SEC22C: variants seen among roughly 807,000 people sequenced by gnomAD.
SEC22C encodes SEC22 homolog C, vesicle trafficking protein.
SEC22C carries 29 observed loss-of-function variants against 34.7 expected under a neutral mutation model. The observed-to-expected ratio is 0.84, with a 90% CI of 0.62 to 1.14. SEC22C has a LOEUF of 1.14. SEC22C is among the 50% of genes most tolerant of loss of function. The pLI is 0.00. For missense variants in SEC22C, 337 were observed against 369.0 expected, an observed-to-expected ratio of 0.91 and a Z score of 0.71; for synonymous variants, 117 against 132.8, an observed-to-expected ratio of 0.88 and a Z score of 0.82.
In SEC22C at chr3:42,548,822, T is replaced by A. The variant is rs1017780537; in HGVS notation, c.*4426A>T. 1.4e-6 allele frequency: 2 copies of A among 1,436,138 alleles called. No homozygotes were observed. Among genetic ancestry groups the A allele is most frequent in the Non-Finnish European group, 9.1e-7 (1 of 1,094,350 alleles). The allele number at this position is 1,436,138 out of a possible 1,614,324, so 89.0% of individuals were successfully genotyped here. A position where few individuals can be genotyped will look rare whatever the true frequency, so the allele number is the denominator to read the frequency against. The stretch of plus-strand genomic sequence containing the variant: ...TTTTGTAAAGGCCAGAAGAAATGGC[T>A]GTGCTGTGCTGCCTGAAGCAGAAAA... On this transcript the variant is annotated 3_prime_UTR_variant, in exon 7 of 7. Transcript: ENST00000264454.
chr3:42,573,489 C>T (rs561261638), intron 1 of SEC22C: 1 of 152,478 alleles, frequency 6.6e-6, no homozygotes, highest in African/African-American at 2.4e-5. Context: ...CACACCACTG[C>T]ACTCCATCCT....
chr3:42,583,170 A>G (rs1332343257), upstream of SEC22C, among the ~76,000 whole-genome samples: 3 of 152,352 alleles, frequency 2.0e-5, no homozygotes, highest in African/African-American at 7.2e-5. Flanking sequence ...GCATTTTATA[A>G]AACTCACTTT....
chr3:42,552,025 C>G lies in SEC22C; in HGVS notation c.*1223G>C. ...AAAGAGCAAACTCCCAAAATGACCTCCTGCGTGGTACAAAACAAGCCAGGC... is the reference window on the plus strand; with the variant it reads ...AAAGAGCAAACTCCCAAAATGACCTGCTGCGTGGTACAAAACAAGCCAGGC... On this transcript the variant is annotated 3_prime_UTR_variant, in exon 7 of 7. Transcript: ENST00000264454. The G allele has an allele frequency of 1.0e-6, 1 of 985,448 alleles. No homozygotes were observed. The highest frequency in any genetic ancestry group is 4.7e-5 in the South Asian group (1 of 21,290). 61.0% of individuals were successfully genotyped at this position (985,448 alleles called of 1,614,324 possible).
chr3:42,564,215 T>C (rs985024753), intron 2 of SEC22C: 1 of 237,448 alleles, frequency 4.2e-6, no homozygotes, highest in African/African-American at 2.3e-5. Flanking sequence ...GGTATTTAGG[T>C]TATTTTGGTC....
chr3:42,592,491 C>T (rs976822362), intron 1 of SEC22C, among the ~76,000 whole-genome samples: 10 of 152,330 alleles, frequency 6.6e-5, no homozygotes, highest in African/African-American at 2.4e-4. Flanking sequence ...TGAGCCACCA[C>T]GGCCGACCTT....
intron 1 of SEC22C, among the ~76,000 whole-genome samples, chr3:42,592,269 C>T (rs146932390): frequency 1.3e-5 from 2 of 151,776 alleles, no homozygotes; most frequent in Admixed American, 6.6e-5. Context: ...GGTGCAATCT[C>T]GGCTCACTGC....
chr3:42,572,309 A>T (rs1417396167), intron 1 of SEC22C, among the ~76,000 whole-genome samples: 1 of 152,164 alleles, frequency 6.6e-6, no homozygotes, highest in Non-Finnish European at 1.5e-5. Flanking sequence ...ACTTGCAGGT[A>T]AAAAACTGCT....
chr3:42,590,655 G>A (rs1183897441), intron 1 of SEC22C, among the ~76,000 whole-genome samples: 1 of 151,926 alleles, frequency 6.6e-6, no homozygotes, highest in Non-Finnish European at 1.5e-5. Context: ...AGTAGACCCA[G>A]CCCCAACCCA....
In SEC22C at chr3:42,590,751, A is replaced by G. The variant is rs868820227; in HGVS notation, c.-28+10209T>C. ...GGGGCTGGGACCGAGGAAAGCGCTG[A>G]GTATAGCTCTTGCGCGTCCAGTCAC... On this transcript the variant is annotated intron_variant, in intron 1 of 6. Transcript: ENST00000417572. 5.6e-5 allele frequency: 47 copies of G among 843,760 alleles called. 1 individual carries two copies. The South Asian group carries it at 5.7e-4, about 10-fold the overall frequency. The allele number at this position is 843,760 out of a possible 1,614,324, so 52.3% of individuals were successfully genotyped here.
In SEC22C at chr3:42,590,673, C is replaced by T. The variant is rs75553440; in HGVS notation, c.-28+10287G>A. The T allele has an allele frequency of 8.9e-4, 540 of 603,530 alleles. 1 individual carries two copies. The highest frequency in any genetic ancestry group is 8.6e-3 in the African/African-American group (463 of 54,010). 37.4% of individuals were successfully genotyped at this position (603,530 alleles called of 1,614,324 possible). ...AGACCCAGCCCCAACCCACAAGTTTCGCTCTCCAGACTGCGCAAGCGCAAA... is the reference window on the plus strand; with the variant it reads ...AGACCCAGCCCCAACCCACAAGTTTTGCTCTCCAGACTGCGCAAGCGCAAA... On this transcript the variant is annotated intron_variant, in intron 1 of 6. Coordinates refer to the SEC22C transcript ENST00000417572.
intron 1 of SEC22C, among the ~76,000 whole-genome samples, chr3:42,572,067 GGAA>G (rs1263254652): frequency 6.6e-6 from 1 of 152,040 alleles, no homozygotes; most frequent in Non-Finnish European, 1.5e-5. Flanking sequence ...AGGTGGAGAA[GGAA>G]GAAGACTGGC....
intron 1 of SEC22C, among the ~76,000 whole-genome samples, chr3:42,575,393 T>C (rs1424731171): frequency 6.6e-6 from 1 of 152,186 alleles, no homozygotes; most frequent in Non-Finnish European, 1.5e-5. Flanking sequence ...TGAAATTCAC[T>C]TCCAGTATAA....
At position 42,548,304 on chromosome 3, in the gene SEC22C, G is replaced by T; in HGVS notation, c.*4944C>A. ...GGATCAAATCATATGAATGATTCAT[G>T]AAATAACACTTCTGAAGCAACCCCA... On this transcript the variant is annotated 3_prime_UTR_variant, in exon 7 of 7. Transcript: ENST00000264454. 3.1e-6 allele frequency: 1 copy of T among 319,264 alleles called. No homozygotes were observed. The allele number at this position is 319,264 out of a possible 1,614,324, so 19.8% of individuals were successfully genotyped here.
intron 1 of SEC22C, among the ~76,000 whole-genome samples, chr3:42,596,297 C>T (rs1705028237): frequency 6.6e-6 from 1 of 152,214 alleles, no homozygotes; most frequent in Non-Finnish European, 1.5e-5. Context: ...GCTGGGATTA[C>T]AGGCGTAAGC....
chr3:42,579,774 T>C (rs573917161), intron 1 of SEC22C, among the ~76,000 whole-genome samples: 34 of 152,200 alleles, frequency 2.2e-4, no homozygotes, highest in Non-Finnish European at 4.3e-4. Flanking sequence ...GCCTGGTACA[T>C]ATTAGGAAGC....
chr3:42,584,923 C>T (rs1704562539), upstream of SEC22C, among the ~76,000 whole-genome samples: 1 of 151,880 alleles, frequency 6.6e-6, no homozygotes, highest in Non-Finnish European at 1.5e-5. Context: ...ATCACGAGGT[C>T]AGGGACCAGC....
Position 42,553,001 on chromosome 3 carries a change from C to T in SEC22C, c.*247G>A. On this transcript the variant is annotated 3_prime_UTR_variant, in exon 7 of 7. Transcript: ENST00000264454. ...CTCTTTCTGGATGAGCCCCCAGATC[C>T]AGCTGTCCTAGGTAAACGTGCTGAA... 1 of 1,310,730 alleles carries T rather than the reference C, an allele frequency of 7.6e-7. No individual in the cohort carries two copies. The highest frequency in any genetic ancestry group is 3.7e-5 in the Admixed American group (1 of 27,202). 81.2% of individuals were successfully genotyped at this position (1,310,730 alleles called of 1,614,324 possible).
In SEC22C at chr3:42,560,096, T is replaced by TTC. The variant is rs4016302; in HGVS notation, c.526+1019_526+1020dup. On this transcript the variant is annotated intron_variant, in intron 4 of 6. Transcript: ENST00000264454. ...ATTTCAGTAAATAAGATGATAAGGA[T>TTC]TCTCTCTCTCTCTCTCTCTCTCTCT... 4.2e-3 allele frequency among the ~76,000 whole-genome samples: 586 copies of TTC among 138,668 alleles called. 1 individual carries two copies. Among genetic ancestry groups the TTC allele is most frequent in the Non-Finnish European group, 5.1e-3 (333 of 65,442 alleles). The allele number at this position is 138,668 out of a possible 152,430, so 91.0% of individuals were successfully genotyped here. A position where few individuals can be genotyped will look rare whatever the true frequency, so the allele number is the denominator to read the frequency against.
intron 6 of SEC22C, among the ~76,000 whole-genome samples, chr3:42,553,951 C>G (rs971784531): frequency 6.6e-6 from 1 of 152,186 alleles, no homozygotes; most frequent in African/African-American, 2.4e-5. Flanking sequence ...CCCTCCTTAT[C>G]ATGTCTTCCA....
Sources: gnomAD v4.1 joint callset for allele counts (sites outside exome capture counted in the v4.1 genomes callset) on GRCh38, gnomAD v4.1.1 for gene constraint, MANE v1.5 for transcripts, NCBI Gene and HGNC (gene_info 2026-07-23, HGNC 2026-07-21) for gene names.